Variants in ZMAT4 observed in about 807,000 individuals in gnomAD.
The protein encoded by ZMAT4 is zinc finger matrin-type 4, also known as zinc finger matrin-type protein 4.
In ZMAT4, 17 loss-of-function variants were observed where a neutral mutation model predicts 28.7. The observed-to-expected ratio is 0.59, with a 90% CI of 0.41 to 0.89. The LOEUF is 0.89. Ranked by LOEUF, ZMAT4 falls within the 40% of genes least tolerant of loss-of-function variation. The pLI is 0.00. For missense variants in ZMAT4, 240 were observed against 283.8 expected, an observed-to-expected ratio of 0.85 and a Z score of 1.11; for synonymous variants, 117 against 109.2, an observed-to-expected ratio of 1.07 and a Z score of -0.44.
At chr8:40,694,481 G>A (rs1454500670) in intron 4 of ZMAT4, among the ~76,000 whole-genome samples, 2 of 152,064 alleles carry the variant, frequency 1.3e-5, no homozygotes, top group African/African-American at 4.8e-5. Context: ...CAGGACTGCA[G>A]CAGGCCTTGC....
chr8:40,584,922 C>T (rs2118557897), intron 5 of ZMAT4, among the ~76,000 whole-genome samples: 1 of 152,336 alleles, frequency 6.6e-6, no homozygotes, highest in South Asian at 2.1e-4. Flanking sequence ...GCGTGAGCCA[C>T]TGCACCAGGC....
chr8:40,893,125 C>T (rs888801532), intron 1 of ZMAT4, among the ~76,000 whole-genome samples: 2 of 152,212 alleles, frequency 1.3e-5, no homozygotes, highest in African/African-American at 4.8e-5. Flanking sequence ...CTCCATATAA[C>T]ATCCCCTCCT....
intron 3 of ZMAT4, among the ~76,000 whole-genome samples, chr8:40,715,983 C>T (rs1810837135): frequency 6.6e-6 from 1 of 152,256 alleles, no homozygotes; most frequent in Admixed American, 6.5e-5. Flanking sequence ...ACCCCAAGTG[C>T]TACCTCAGGT....
At chr8:40,589,712 C>T (rs943577955) in intron 5 of ZMAT4, among the ~76,000 whole-genome samples, 3 of 134,534 alleles carry the variant, frequency 2.2e-5, no homozygotes, top group East Asian at 4.7e-4. Context: ...CTTCCTTCTT[C>T]CTTCTTCCTT....
chr8:40,571,485 T>C (rs1485791619), intron 6 of ZMAT4, among the ~76,000 whole-genome samples: 3 of 152,110 alleles, frequency 2.0e-5, no homozygotes, highest in African/African-American at 4.8e-5. Flanking sequence ...TTAACAATAG[T>C]GGATTTCAAT....
chr8:40,671,708 G>A (rs190985105), intron 5 of ZMAT4, among the ~76,000 whole-genome samples: 24 of 152,250 alleles, frequency 1.6e-4, no homozygotes, highest in Admixed American at 4.6e-4. Flanking sequence ...GAAAAGTTAC[G>A]TATCTTAATA....
chr8:40,609,392 C>T (rs1180345649), intron 5 of ZMAT4, among the ~76,000 whole-genome samples: 2 of 152,098 alleles, frequency 1.3e-5, no homozygotes, highest in African/African-American at 2.4e-5. Flanking sequence ...TTCTTCATTG[C>T]CTGCAGACTT....
chr8:40,782,524 G>A (rs555022724), intron 2 of ZMAT4, among the ~76,000 whole-genome samples: 20 of 152,072 alleles, frequency 1.3e-4, no homozygotes, highest in Middle Eastern at 6.8e-3. Context: ...CAATTTTTTC[G>A]ACTTAATTAT....
chr8:40,589,447 G>T (rs1804778637), intron 5 of ZMAT4, among the ~76,000 whole-genome samples: 1 of 152,134 alleles, frequency 6.6e-6, no homozygotes, highest in Non-Finnish European at 1.5e-5. Context: ...CTGCCCACCT[G>T]ACAAGTGAGA....
At chr8:40,741,132 GA>G (rs1387564240) in intron 3 of ZMAT4, among the ~76,000 whole-genome samples, 2 of 152,046 alleles carry the variant, frequency 1.3e-5, no homozygotes, top group East Asian at 3.9e-4. Context: ...GGAAAATTTG[GA>G]AAAGGTTGTG....
rs189359108 is a variant in ZMAT4 at position 40,798,238 on chromosome 8, G to A, written c.102+27337C>T. Among the ~76,000 whole-genome samples the A allele has an allele frequency of 1.4e-3, 220 of 152,270 alleles. 2 individuals are homozygous for A. Among genetic ancestry groups the A allele is most frequent in the Non-Finnish European group, 2.1e-3 (143 of 68,036 alleles). On this transcript the variant is annotated intron_variant, in intron 2 of 6. Coordinates refer to ENST00000297737, the MANE Select transcript of ZMAT4 (RefSeq NM_024645.3). ...GCAGATATGCTCAGGGTCCTGATCTGCAAGTTAATGATCTGCACACATCTC... is the reference window on the plus strand; with the variant it reads ...GCAGATATGCTCAGGGTCCTGATCTACAAGTTAATGATCTGCACACATCTC...
At chr8:40,695,505 T>C (rs1277206440) in intron 4 of ZMAT4, among the ~76,000 whole-genome samples, 1 of 152,234 alleles carries the variant, frequency 6.6e-6, no homozygotes, top group Admixed American at 6.5e-5. Context: ...ACCCTATTCG[T>C]TCCCTTCTTG....
chr8:40,534,966 A>G (rs959437346), intron 6 of ZMAT4, among the ~76,000 whole-genome samples: 1 of 152,146 alleles, frequency 6.6e-6, no homozygotes, highest in African/African-American at 2.4e-5. Flanking sequence ...TACAGGTGTG[A>G]GCCACTGCGT....
intron 2 of ZMAT4, among the ~76,000 whole-genome samples, chr8:40,823,692 T>C (rs547782062): frequency 6.6e-6 from 1 of 151,486 alleles, no homozygotes; most frequent in Admixed American, 6.6e-5. Flanking sequence ...CATATACATA[T>C]ACACACACAC....
intron 3 of ZMAT4, among the ~76,000 whole-genome samples, chr8:40,740,679 G>C (rs1247190028): frequency 6.6e-6 from 1 of 152,186 alleles, no homozygotes; most frequent in Non-Finnish European, 1.5e-5. Context: ...ATATAAAGAT[G>C]CAATTTTTCC....
At chr8:40,637,359 G>A (rs1279204056) in intron 5 of ZMAT4, among the ~76,000 whole-genome samples, 1 of 152,186 alleles carries the variant, frequency 6.6e-6, no homozygotes, top group Non-Finnish European at 1.5e-5. Flanking sequence ...TATTGACAGT[G>A]AGGCTGACTC....
intron 6 of ZMAT4, among the ~76,000 whole-genome samples, chr8:40,557,085 G>A (rs1172797378): frequency 1.3e-5 from 2 of 152,044 alleles, no homozygotes; most frequent in African/African-American, 4.8e-5. Flanking sequence ...GAGAACATGA[G>A]GCATCAGTAT....
chr8:40,606,908 C>T (rs571277373), intron 5 of ZMAT4, among the ~76,000 whole-genome samples: 3 of 152,110 alleles, frequency 2.0e-5, no homozygotes, highest in Admixed American at 1.3e-4. Flanking sequence ...TTTTAAAAAT[C>T]CTTTTTTCTT....
At chr8:40,566,037 C>G (rs546299782) in intron 6 of ZMAT4, among the ~76,000 whole-genome samples, 5 of 152,100 alleles carry the variant, frequency 3.3e-5, no homozygotes, top group African/African-American at 1.2e-4. Flanking sequence ...GACAAGAAAT[C>G]AATTTATTTA....
Sources: allele counts gnomAD v4.1 joint callset (sites outside exome capture counted in the v4.1 genomes callset), GRCh38; gene constraint gnomAD v4.1.1; transcripts MANE v1.5; gene names NCBI Gene and HGNC (gene_info 2026-07-23, HGNC 2026-07-21).